GRM8: variants seen among roughly 807,000 people sequenced by gnomAD.
GRM8 encodes the protein glutamate metabotropic receptor 8.
In GRM8, 47 loss-of-function variants were observed where a neutral mutation model predicts 87.2. That is an observed-to-expected ratio of 0.54 (90% CI 0.43 to 0.69). The LOEUF is 0.69. Among genes scored for constraint, GRM8 ranks in the 30% least tolerant of loss-of-function variants. The probability of loss-of-function intolerance (pLI) is 0.00; values close to 1 mark genes in which losing one functional copy is unlikely to be tolerated. For missense variants in GRM8, 1,019 were observed against 1,139.2 expected (o/e 0.89, Z 1.52); for synonymous variants, 396 against 404.5 (o/e 0.98, Z 0.25).
intron 3 of GRM8, among the ~76,000 whole-genome samples, chr7:126,952,009 C>A: frequency 6.9e-6 from 1 of 145,140 alleles, no homozygotes; most frequent in South Asian, 2.3e-4. Context: ...AAACACCATT[C>A]TCTGATTTAA....
At chr7:126,763,244 A>T (rs981613200) in intron 7 of GRM8, among the ~76,000 whole-genome samples, 3 of 151,490 alleles carry the variant, frequency 2.0e-5, no homozygotes, top group African/African-American at 2.4e-5. Flanking sequence ...AAACTTTCCC[A>T]TTCAAATCAA....
intron 2 of GRM8, among the ~76,000 whole-genome samples, chr7:127,187,272 G>A (rs1011408600): frequency 2.6e-5 from 4 of 151,970 alleles, no homozygotes; most frequent in Non-Finnish European, 4.4e-5. Context: ...AAACATCTAG[G>A]TTATGATAAC....
chr7:127,227,024 T>G (rs781237114), intron 2 of GRM8, among the ~76,000 whole-genome samples: 1 of 152,206 alleles, frequency 6.6e-6, no homozygotes, highest in Non-Finnish European at 1.5e-5. Context: ...TAGGAAAACT[T>G]AGAGGAACTC....
At chr7:127,162,179 T>C (rs1315527910) in intron 2 of GRM8, among the ~76,000 whole-genome samples, 1 of 152,194 alleles carries the variant, frequency 6.6e-6, no homozygotes, top group African/African-American at 2.4e-5. Context: ...AGAACTAAGA[T>C]ATTTTGGAGC....
rs377471259 is a variant in GRM8, at chr7:127,073,866, A to G, written c.727+32630T>C. Among the ~76,000 whole-genome samples, 4 of 152,354 alleles carry G rather than the reference A, an allele frequency of 2.6e-5. 1 individual carries two copies. Among genetic ancestry groups the G allele is most frequent in the Admixed American group, 6.5e-5 (1 of 15,308 alleles). On this transcript the variant is annotated intron_variant, in intron 3 of 10. Transcript: ENST00000339582. ...AACTAGACAGAAAGTCCTGTTGAAT[A>G]TGAGTCATTGGCTCTTAAATAGTTT...
At chr7:126,949,210 A>G (rs1465279692) in intron 3 of GRM8, among the ~76,000 whole-genome samples, 1 of 152,162 alleles carries the variant, frequency 6.6e-6, no homozygotes, top group Non-Finnish European at 1.5e-5. Flanking sequence ...CACCTTGCCT[A>G]TTTCTAGAGA....
chr7:126,503,985 A>G (rs1810035742), intron 9 of GRM8, among the ~76,000 whole-genome samples: 1 of 152,074 alleles, frequency 6.6e-6, no homozygotes. Flanking sequence ...ATTAAAACAA[A>G]CAAAAAATAA....
intron 3 of GRM8, among the ~76,000 whole-genome samples, chr7:127,098,148 G>T (rs1271360690): frequency 6.6e-6 from 1 of 152,108 alleles, no homozygotes; most frequent in African/African-American, 2.4e-5. Flanking sequence ...CCAATTACCT[G>T]GTGTTAATAT....
intron 6 of GRM8, among the ~76,000 whole-genome samples, chr7:126,835,463 AT>A (rs1795758079): frequency 6.6e-6 from 1 of 152,230 alleles, no homozygotes; most frequent in South Asian, 2.1e-4. Flanking sequence ...TATAATAAAA[AT>A]CTGTCAGCCA....
At position 126,677,752 on chromosome 7, in the gene GRM8, T is replaced by G. The variant is rs762696023; in HGVS notation, c.1358-68254A>C. Among the ~76,000 whole-genome samples the G allele has an allele frequency of 3.8e-4, 58 of 152,316 alleles. 1 individual carries two copies. Among genetic ancestry groups the G allele is most frequent in the Middle Eastern group, 6.8e-3 (2 of 294 alleles). On this transcript the variant is annotated intron_variant, in intron 7 of 10. Transcript: ENST00000339582. The stretch of plus-strand genomic sequence containing the variant: ...AAAACTACCTATTAGGTACAACATA[T>G]ACTATTTGGATGACAGGTATCCTAA...
intron 1 of GRM8, among the ~76,000 whole-genome samples, chr7:127,251,547 G>A (rs1169527812): frequency 6.6e-6 from 1 of 152,048 alleles, no homozygotes; most frequent in Non-Finnish European, 1.5e-5. Context: ...TTTCTTCTCA[G>A]TTCCTTGGGC....
At chr7:126,748,610 T>G (rs962343912) in intron 7 of GRM8, among the ~76,000 whole-genome samples, 4 of 150,382 alleles carry the variant, frequency 2.7e-5, no homozygotes, top group Admixed American at 6.6e-5. Flanking sequence ...GGGTTTTTTT[T>G]TTTTTTTTTT....
chr7:126,880,924 T>C (rs1478108995), intron 6 of GRM8, among the ~76,000 whole-genome samples: 2 of 152,222 alleles, frequency 1.3e-5, no homozygotes, highest in African/African-American at 2.4e-5. Context: ...TCTTAAAGTC[T>C]TTCCCCCTTC....
At chr7:126,561,736 AT>A (rs980298151) in intron 8 of GRM8, among the ~76,000 whole-genome samples, 15 of 150,578 alleles carry the variant, frequency 1.0e-4, no homozygotes, top group African/African-American at 3.4e-4. Context: ...TTAACTGGTC[AT>A]TTAGCATTAG....
intron 3 of GRM8, among the ~76,000 whole-genome samples, chr7:126,978,280 C>T (rs1811205601): frequency 6.6e-6 from 1 of 152,078 alleles, no homozygotes. Flanking sequence ...AAAAGCCCCA[C>T]TTATCTCTAT....
At chr7:126,917,842 G>C (rs1381206170) in intron 3 of GRM8, among the ~76,000 whole-genome samples, 1 of 152,154 alleles carries the variant, frequency 6.6e-6, no homozygotes, top group African/African-American at 2.4e-5. Context: ...TTTTTGGTCT[G>C]GTTCAAGTTG....
At chr7:126,521,616 T>C (rs1038064353) in intron 9 of GRM8, among the ~76,000 whole-genome samples, 3 of 152,240 alleles carry the variant, frequency 2.0e-5, no homozygotes, top group Admixed American at 1.3e-4. Context: ...TGATTTTATA[T>C]GCAAGGCACT....
chr7:127,036,923 T>C (rs910246619), intron 3 of GRM8, among the ~76,000 whole-genome samples: 1 of 152,188 alleles, frequency 6.6e-6, no homozygotes, highest in South Asian at 2.1e-4. Context: ...GTCATCTTAA[T>C]CTTGCTCCTG....
At chr7:126,780,987 C>T (rs1478147168) in intron 6 of GRM8, among the ~76,000 whole-genome samples, 1 of 152,058 alleles carries the variant, frequency 6.6e-6, no homozygotes, top group Non-Finnish European at 1.5e-5. Flanking sequence ...TGTGATTGCA[C>T]TAGAGACAAA....
Sources: gnomAD v4.1 joint callset for allele counts (sites outside exome capture counted in the v4.1 genomes callset) on GRCh38, gnomAD v4.1.1 for gene constraint, MANE v1.5 for transcripts, NCBI Gene and HGNC (gene_info 2026-07-23, HGNC 2026-07-21) for gene names.